Variants in THOC5 observed in about 807,000 individuals in gnomAD.
THOC5 encodes Fms-interacting protein.
THOC5 carries 43 observed loss-of-function variants against 92.9 expected under a neutral mutation model. The observed-to-expected ratio is 0.46, with a 90% CI of 0.36 to 0.60. THOC5 has a LOEUF of 0.60. Ranked by LOEUF, THOC5 falls within the 20% of genes least tolerant of loss-of-function variation. The pLI is 0.00. For synonymous variants in THOC5, 296 were observed against 320.1 expected, an observed-to-expected ratio of 0.92 and a Z score of 0.80; for missense variants, 659 against 849.4, an observed-to-expected ratio of 0.78 and a Z score of 2.79.
At chr22:29,521,353 C>G (rs973287262) in intron 12 of THOC5, among the ~76,000 whole-genome samples, 1 of 152,180 alleles carries the variant, frequency 6.6e-6, no homozygotes, top group Non-Finnish European at 1.5e-5. Flanking sequence ...TTCAAGATCA[C>G]ACTGCTAGTA....
rs1279612936 is a variant in THOC5 at position 29,542,800 on chromosome 22, T to C, written c.452+59A>G. ...AGAAACAGACTTACAGTGAGCTACATGGGAAAAAGCAGTTACCGAAAGACC... is the reference window on the plus strand; with the variant it reads ...AGAAACAGACTTACAGTGAGCTACACGGGAAAAAGCAGTTACCGAAAGACC... On this transcript the variant is annotated intron_variant, in intron 5 of 19. Coordinates refer to ENST00000490103, the MANE Select transcript of THOC5 (RefSeq NM_003678.5). 65 of 1,146,314 alleles carry C rather than the reference T, an allele frequency of 5.7e-5. No homozygotes were observed. The Admixed American group carries it at 1.2e-3, about 22-fold the overall frequency. The allele number at this position is 1,146,314 out of a possible 1,614,324, so 71.0% of individuals were successfully genotyped here.
chr22:29,525,621 T>C (rs941778242), intron 12 of THOC5, among the ~76,000 whole-genome samples: 1 of 152,232 alleles, frequency 6.6e-6, no homozygotes, highest in South Asian at 2.1e-4. Context: ...ACTTTTATCA[T>C]CTGCTGTGTA....
chr22:29,549,000 T>G (rs911924964), intron 2 of THOC5, 52 bp downstream of exon 2: 1 of 1,579,788 alleles, frequency 6.3e-7, no homozygotes, highest in African/African-American at 1.3e-5. Context: ...AGCCAGGTGC[T>G]TGGCCATGAG....
At position 29,507,624 on chromosome 22, in the gene THOC5, G is replaced by A. The variant is rs2063150344; in HGVS notation, c.*833C>T. 6.6e-6 allele frequency: 1 copy of A among 152,202 alleles called. No homozygotes were observed. Among genetic ancestry groups the A allele is most frequent in the South Asian group, 2.1e-4 (1 of 4,828 alleles). The allele number at this position is 152,202 out of a possible 1,614,324, so 9.4% of individuals were successfully genotyped here. The stretch of plus-strand genomic sequence containing the variant: ...TCCACCCGCCTTGGCCTCCCAAAGT[G>A]CTGGGATTACAGACGTGAGCCACTG... On this transcript the variant is annotated 3_prime_UTR_variant, in exon 20 of 20. Coordinates refer to ENST00000490103, the MANE Select transcript of THOC5 (RefSeq NM_003678.5).
At chr22:29,536,830 G>A (rs1407361475) in intron 6 of THOC5, 92 bp from the exon 7 acceptor site, 9 of 755,452 alleles carry the variant, frequency 1.2e-5, no homozygotes, top group Non-Finnish European at 1.9e-5. Context: ...AATAGTAGCA[G>A]CCATGATTAA....
chr22:29,522,818 T>G (rs2063470792), intron 12 of THOC5, among the ~76,000 whole-genome samples: 1 of 151,524 alleles, frequency 6.6e-6, no homozygotes, highest in Non-Finnish European at 1.5e-5. Context: ...CTGGCCGAAA[T>G]GGTGAAACCC....
chr22:29,551,921 A>G (rs6006187), intron 1 of THOC5, among the ~76,000 whole-genome samples: 120,873 of 150,858 alleles, frequency 0.8, 48,714 homozygotes, highest in African/African-American at 0.88. Context: ...GAGTGCCTGC[A>G]ATTGCAGGCG....
At chr22:29,542,802 G>T in intron 5 of THOC5, 57 bp downstream of exon 5, 1 of 1,209,864 alleles carries the variant, frequency 8.3e-7, no homozygotes, top group Non-Finnish European at 1.2e-6. Flanking sequence ...GAGCTACATG[G>T]GAAAAAGCAG....
chr22:29,546,904 AATCTCAGCTCAC>A (rs2064033858), intron 2 of THOC5, among the ~76,000 whole-genome samples: 1 of 148,964 alleles, frequency 6.7e-6, no homozygotes, highest in Non-Finnish European at 1.5e-5. Context: ...GCAATGGCGC[AATCTCAGCTCAC>A]TGCAACTTCT....
At chr22:29,541,474 C>T (rs1365144674) in intron 5 of THOC5, among the ~76,000 whole-genome samples, 27 of 146,474 alleles carry the variant, frequency 1.8e-4, no homozygotes, top group Admixed American at 1.8e-3. Flanking sequence ...TGCCACCACA[C>T]CAGCCTGGGT....
Position 29,516,918 on chromosome 22 carries a change from T to C in THOC5, c.1681+111A>G. On this transcript the variant is annotated intron_variant, in intron 17 of 19. Transcript: ENST00000490103. ...ACAGGCTCTCACGATCATTATTATC[T>C]GTTAAGTCCTTGCAGGACTCCAGGA... 3.2e-6 allele frequency: 3 copies of C among 948,464 alleles called. No individual in the cohort carries two copies. In the South Asian group the frequency reaches 4.2e-5, roughly 13 times the overall value. 58.8% of individuals were successfully genotyped at this position (948,464 alleles called of 1,614,324 possible).
At chr22:29,551,306 C>T (rs183883104) in intron 1 of THOC5, among the ~76,000 whole-genome samples, 4 of 152,148 alleles carry the variant, frequency 2.6e-5, no homozygotes, top group East Asian at 1.9e-4. Flanking sequence ...TGGAGGCGGG[C>T]GCCTGTAATC....
At chr22:29,528,550 G>A (rs758839889) in intron 9 of THOC5, 84 bp from the exon 10 acceptor site, 12 of 1,371,094 alleles carry the variant, frequency 8.8e-6, no homozygotes, top group Non-Finnish European at 1.2e-5. Flanking sequence ...GCATAAAGGG[G>A]CCCTGACTCT....
intron 1 of THOC5, among the ~76,000 whole-genome samples, chr22:29,552,465 T>C (rs1268832314): frequency 6.6e-6 from 1 of 151,578 alleles, no homozygotes; most frequent in Non-Finnish European, 1.5e-5. Context: ...GGAGCGTCTC[T>C]GCCCGGCTGC....
chr22:29,536,735 C>G lies in THOC5; in HGVS notation c.603G>C (p.Leu201=), dbSNP rs1809748413. The change falls in exon 7 of 20, where the codon CTG becomes CTC. Residue 201 remains leucine (L), a synonymous_variant. Coordinates refer to ENST00000490103, the MANE Select transcript of THOC5 (RefSeq NM_003678.5). Reference sequence around the variant, plus strand: ...ATAGGCACTCTCGGTACTTCTCTGCCAGCCTGTTGGGGGAGGAAAGAGCAT... The same window carrying G: ...ATAGGCACTCTCGGTACTTCTCTGCGAGCCTGTTGGGGGAGGAAAGAGCAT... The part of the protein sequence containing the change: ...LDWELEQRKR[L]AEKYRECLSN... The G allele has an allele frequency of 6.3e-7, 1 of 1,591,594 alleles. No homozygotes were observed. The highest frequency in any genetic ancestry group is 1.1e-5 in the South Asian group (1 of 90,616).
intron 12 of THOC5, among the ~76,000 whole-genome samples, chr22:29,521,426 T>TA (rs2063438956): frequency 6.6e-6 from 1 of 152,190 alleles, no homozygotes; most frequent in Admixed American, 6.5e-5. Flanking sequence ...CATTAATTTT[T>TA]AAAAAACTCA....
intron 7 of THOC5, among the ~76,000 whole-genome samples, chr22:29,532,410 T>C (rs2063673396): frequency 6.6e-6 from 1 of 152,230 alleles, no homozygotes; most frequent in South Asian, 2.1e-4. Context: ...ACGCCTGTAA[T>C]CTCAGCACTT....
At chr22:29,518,648 C>A (rs763085073) in intron 15 of THOC5, among the ~76,000 whole-genome samples, 2 of 152,224 alleles carry the variant, frequency 1.3e-5, no homozygotes, top group Non-Finnish European at 2.9e-5. Context: ...CAGCACTATG[C>A]TCAGTGCCTG....
intron 14 of THOC5, among the ~76,000 whole-genome samples, 154 bp from the exon 15 acceptor site, chr22:29,519,274 CA>C: frequency 6.6e-6 from 1 of 152,356 alleles, no homozygotes; most frequent in Middle Eastern, 3.4e-3. Context: ...TCTGCTATGA[CA>C]GGCCAGACGC....
Sources: gnomAD v4.1 joint callset for allele counts (sites outside exome capture counted in the v4.1 genomes callset) on GRCh38, gnomAD v4.1.1 for gene constraint, MANE v1.5 for transcripts, NCBI Gene and HGNC (gene_info 2026-07-23, HGNC 2026-07-21) for gene names.